CHODL: variants seen among roughly 807,000 people sequenced by gnomAD.
CHODL encodes transmembrane protein MT75.
A neutral mutation model predicts 34.5 loss-of-function variants in CHODL; 29 were observed. The ratio of observed to expected loss-of-function variants is 0.84; its 90% confidence interval spans 0.63 to 1.15. The LOEUF is 1.15. CHODL is among the 50% of genes most tolerant of loss of function. CHODL has a pLI of 0.00. For missense variants in CHODL, 332 were observed against 332.5 expected (o/e 1.00, Z 0.01); for synonymous variants, 125 against 116.1 (o/e 1.08, Z -0.49).
intron 1 of CHODL, among the ~76,000 whole-genome samples, chr21:18,009,887 C>CAA (rs71189575): frequency 4.2e-5 from 4 of 94,794 alleles, no homozygotes; most frequent in African/African-American, 1.5e-4. Context: ...GACTCCGTCT[C>CAA]AAAAAAAAAA....
chr21:18,146,743 T>G (rs988734311), intron 2 of CHODL, among the ~76,000 whole-genome samples: 4 of 152,212 alleles, frequency 2.6e-5, no homozygotes, highest in Admixed American at 1.3e-4. Context: ...CTCTTTTATT[T>G]CAAGAGAAGT....
At chr21:18,183,861 T>C (rs1188168331) in intron 2 of CHODL, among the ~76,000 whole-genome samples, 1 of 152,218 alleles carries the variant, frequency 6.6e-6, no homozygotes, top group Non-Finnish European at 1.5e-5. Context: ...GTGATCTGTA[T>C]CATTTGAATG....
intron 2 of CHODL, among the ~76,000 whole-genome samples, chr21:18,173,907 C>T (rs893766637): frequency 2.0e-5 from 3 of 151,014 alleles, no homozygotes; most frequent in Non-Finnish European, 3.0e-5. Context: ...TTATAATGTA[C>T]ATGTTTGACC....
chr21:18,146,128 C>T (rs1027298267), intron 2 of CHODL, among the ~76,000 whole-genome samples: 17 of 144,238 alleles, frequency 1.2e-4, no homozygotes, highest in Non-Finnish European at 2.3e-4. Flanking sequence ...CCACCACGCC[C>T]GGTTAATTTT....
intron 2 of CHODL, among the ~76,000 whole-genome samples, chr21:18,222,841 G>T (rs1888407): frequency 0.41 from 61,855 of 151,942 alleles, 14,489 homozygotes; most frequent in African/African-American, 0.65. Flanking sequence ...GTCATCTTGA[G>T]GATATCTCTC....
chr21:18,071,238 C>T (rs1457152341), intron 2 of CHODL, among the ~76,000 whole-genome samples: 5 of 147,998 alleles, frequency 3.4e-5, no homozygotes, highest in Admixed American at 1.4e-4. Context: ...CCTCTGCTTT[C>T]CGGGTTCAAA....
chr21:18,011,775 T>C (rs1312419950), intron 1 of CHODL, among the ~76,000 whole-genome samples: 1 of 152,238 alleles, frequency 6.6e-6, no homozygotes, highest in Non-Finnish European at 1.5e-5. Flanking sequence ...TTTTGAACTG[T>C]TGATAGTGGC....
intron 1 of CHODL, among the ~76,000 whole-genome samples, chr21:17,917,930 A>C (rs373381493): frequency 6.6e-6 from 1 of 151,548 alleles, no homozygotes; most frequent in African/African-American, 2.4e-5. Context: ...TTGAAGCTAA[A>C]CTCTAAAGGA....
chr21:18,096,022 A>G (rs1336225552), intron 2 of CHODL, among the ~76,000 whole-genome samples: 1 of 152,204 alleles, frequency 6.6e-6, no homozygotes, highest in Non-Finnish European at 1.5e-5. Context: ...CTGCAGCAGA[A>G]GAACATAAAT....
At chr21:18,115,769 T>C (rs1252920051) in intron 2 of CHODL, among the ~76,000 whole-genome samples, 2 of 152,192 alleles carry the variant, frequency 1.3e-5, no homozygotes, top group Admixed American at 6.5e-5. Flanking sequence ...GATTTTATCA[T>C]GTGGACACTC....
rs553030476 is a variant in CHODL at position 18,112,353 on chromosome 21, T to TA, written c.-45+84382_-45+84383insA. Among the ~76,000 whole-genome samples the TA allele has an allele frequency of 3.3e-5, 5 of 152,228 alleles. No homozygotes were observed. In the East Asian group the frequency reaches 9.7e-4, roughly 29 times the overall value. The stretch of plus-strand genomic sequence containing the variant: ...TCTATACTACTCAAAGCAATATATA[T>TA]TTTTTAATGCAATCTCTATCAAAAT... On this transcript the variant is annotated intron_variant, in intron 2 of 6. Coordinates refer to the CHODL transcript ENST00000400127.
chr21:18,137,366 A>G (rs2146604686), intron 2 of CHODL, among the ~76,000 whole-genome samples: 1 of 152,304 alleles, frequency 6.6e-6, no homozygotes, highest in Non-Finnish European at 1.5e-5. Flanking sequence ...AGCATTTTTA[A>G]TGGAAAGATT....
chr21:18,201,499 A>T (rs1396761055), intron 2 of CHODL, among the ~76,000 whole-genome samples: 1 of 152,034 alleles, frequency 6.6e-6, no homozygotes, highest in Non-Finnish European at 1.5e-5. Context: ...AGGCCAGAAG[A>T]TAAGTGAATT....
chr21:18,182,332 C>T (rs1474438975), intron 2 of CHODL, among the ~76,000 whole-genome samples: 1 of 152,150 alleles, frequency 6.6e-6, no homozygotes, highest in Non-Finnish European at 1.5e-5. Context: ...AGGGTTTGAG[C>T]CTGGCTCTAG....
intron 2 of CHODL, among the ~76,000 whole-genome samples, chr21:18,028,447 A>G (rs1246526503): frequency 6.6e-6 from 1 of 151,970 alleles, no homozygotes; most frequent in African/African-American, 2.4e-5. Flanking sequence ...CTGTAATCCC[A>G]GCACTTTGGG....
chr21:18,060,393 C>T (rs154739), intron 2 of CHODL, among the ~76,000 whole-genome samples: 121,888 of 151,772 alleles, frequency 0.8, 50,039 homozygotes, highest in East Asian at 1. Context: ...GAGGCTGCAG[C>T]GAGCCGTGTT....
At chr21:17,982,696 CTTTTTTTT>C (rs397867753) in intron 1 of CHODL, among the ~76,000 whole-genome samples, 12 of 63,008 alleles carry the variant, frequency 1.9e-4, no homozygotes, top group Non-Finnish European at 2.4e-4. Context: ...TATATATATT[CTTTTTTTT>C]TTTTTTTTTT....
In CHODL at chr21:18,162,925, A is replaced by G. The variant is rs140955893; in HGVS notation, c.-44-93584A>G. Among the ~76,000 whole-genome samples the G allele has an allele frequency of 6.8e-4, 103 of 152,256 alleles. 1 individual carries two copies. The highest frequency in any genetic ancestry group is 2.4e-3 in the African/African-American group (99 of 41,550). On this transcript the variant is annotated intron_variant, in intron 2 of 6. Transcript: ENST00000400127. The stretch of plus-strand genomic sequence containing the variant: ...TGAGCAGCTGGGACTGCAGGTGTAC[A>G]CCAACATGCTCAGTTCCATTCATTC...
chr21:18,135,916 G>A lies in CHODL; in HGVS notation c.-45+107945G>A, dbSNP rs949510973. ...GAGGTCAGGAGATCAAGACAATCCC[G>A]GCCGACATGGTGAAACCCCGTCTCT... On this transcript the variant is annotated intron_variant, in intron 2 of 6. Transcript: ENST00000400127. 5.3e-5 allele frequency among the ~76,000 whole-genome samples: 8 copies of A among 151,736 alleles called. No individual in the cohort carries two copies. In the East Asian group the frequency reaches 5.8e-4, roughly 11 times the overall value.
Sources: allele counts gnomAD v4.1 joint callset (sites outside exome capture counted in the v4.1 genomes callset), GRCh38; gene constraint gnomAD v4.1.1; transcripts MANE v1.5; gene names NCBI Gene and HGNC (gene_info 2026-07-23, HGNC 2026-07-21).